The following ZNF423 variants were observed in gnomAD, a reference collection of about 807,000 sequenced individuals.
The protein encoded by ZNF423 is Ebf-associated zinc finger protein.
Under a neutral mutation model 95.8 loss-of-function variants are expected in ZNF423, and 12 were observed. The observed-to-expected ratio is 0.13, with a 90% CI of 0.08 to 0.20. ZNF423 has a LOEUF of 0.20. ZNF423 is among the 10% of genes least tolerant of loss of function. ZNF423 has a pLI of 1.00. For missense variants in ZNF423, 1,316 were observed against 1,737.1 expected (o/e 0.76, Z 4.31); for synonymous variants, 749 against 711.9 (o/e 1.05, Z -0.83).
intron 2 of ZNF423, among the ~76,000 whole-genome samples, chr16:49,741,314 G>A (rs1227539716): frequency 6.6e-6 from 1 of 151,940 alleles, no homozygotes; most frequent in African/African-American, 2.4e-5. Flanking sequence ...GGCCAACATG[G>A]TGAAACCCTG....
At chr16:49,745,066 T>A (rs2033494046) in intron 2 of ZNF423, among the ~76,000 whole-genome samples, 1 of 152,154 alleles carries the variant, frequency 6.6e-6, no homozygotes, top group African/African-American at 2.4e-5. Context: ...TCAGTTTCGG[T>A]CTGGCTCAAA....
chr16:49,672,020 C>T (rs1437729629), intron 3 of ZNF423, among the ~76,000 whole-genome samples: 1 of 152,136 alleles, frequency 6.6e-6, no homozygotes, highest in Non-Finnish European at 1.5e-5. Flanking sequence ...ACTCCCTACC[C>T]CAAACCCAAA....
chr16:49,593,128 C>A (rs1383400518), intron 5 of ZNF423, among the ~76,000 whole-genome samples: 1 of 152,122 alleles, frequency 6.6e-6, no homozygotes, highest in East Asian at 1.9e-4. Flanking sequence ...AGCTCTGACC[C>A]CAAACTCATC....
intron 7 of ZNF423, among the ~76,000 whole-genome samples, chr16:49,508,670 C>T (rs1967757719): frequency 2.0e-5 from 3 of 152,108 alleles, no homozygotes; most frequent in Admixed American, 2.0e-4. Context: ...CGTCCCTTCT[C>T]CCCTATGTGA....
At chr16:49,739,711 T>C (rs1433893464) in intron 2 of ZNF423, among the ~76,000 whole-genome samples, 1 of 150,360 alleles carries the variant, frequency 6.7e-6, no homozygotes, top group Non-Finnish European at 1.5e-5. Flanking sequence ...TTTTTTTTTT[T>C]TTTTGGAGAC....
At chr16:49,676,433 G>C (rs2031051566) in intron 3 of ZNF423, among the ~76,000 whole-genome samples, 1 of 152,192 alleles carries the variant, frequency 6.6e-6, no homozygotes, top group Non-Finnish European at 1.5e-5. Context: ...GAAGGTGCCT[G>C]GAGGTCCACA....
intron 2 of ZNF423, among the ~76,000 whole-genome samples, chr16:49,781,666 G>A (rs1286811673): frequency 6.6e-6 from 1 of 152,172 alleles, no homozygotes; most frequent in African/African-American, 2.4e-5. Flanking sequence ...GCCTCCCCAT[G>A]GTGAAAGGCC....
chr16:49,852,270 G>A (rs976126170), intron 1 of ZNF423, among the ~76,000 whole-genome samples: 1 of 152,160 alleles, frequency 6.6e-6, no homozygotes, highest in East Asian at 1.9e-4. Context: ...GACATAGCCT[G>A]AGCGCTAATT....
intron 5 of ZNF423, among the ~76,000 whole-genome samples, chr16:49,537,935 G>A (rs1412558552): frequency 6.6e-6 from 1 of 152,162 alleles, no homozygotes; most frequent in African/African-American, 2.4e-5. Context: ...TGGGGGGTCT[G>A]CCACCTCTGG....
At chr16:49,560,286 C>T (rs1969973400) in intron 5 of ZNF423, among the ~76,000 whole-genome samples, 1 of 152,172 alleles carries the variant, frequency 6.6e-6, no homozygotes, top group South Asian at 2.1e-4. Context: ...TTCCGTGAAT[C>T]TTTACTGCCT....
chr16:49,714,191 C>T (rs1264598273), intron 3 of ZNF423, among the ~76,000 whole-genome samples: 1 of 152,170 alleles, frequency 6.6e-6, no homozygotes, highest in East Asian at 1.9e-4. Context: ...AGGGCGGGAG[C>T]CAATTGTATT....
chr16:49,600,842 T>A (rs1971346571), intron 5 of ZNF423, among the ~76,000 whole-genome samples: 1 of 151,994 alleles, frequency 6.6e-6, no homozygotes, highest in South Asian at 2.1e-4. Context: ...CCGAAATAAA[T>A]CACCGTCGCT....
chr16:49,838,106 C>A (rs1308819095), intron 1 of ZNF423, among the ~76,000 whole-genome samples: 1 of 152,238 alleles, frequency 6.6e-6, no homozygotes, highest in Non-Finnish European at 1.5e-5. Flanking sequence ...GAATTTTAAG[C>A]GGCAAACCCA....
chr16:49,717,661 A>G (rs2032747106), intron 3 of ZNF423, among the ~76,000 whole-genome samples: 1 of 152,158 alleles, frequency 6.6e-6, no homozygotes, highest in Non-Finnish European at 1.5e-5. Context: ...TTCTATTTAC[A>G]TGAGCCAATA....
intron 3 of ZNF423, among the ~76,000 whole-genome samples, chr16:49,724,412 G>A (rs902131135): frequency 1.8e-5 from 2 of 108,654 alleles, no homozygotes; most frequent in Non-Finnish European, 3.2e-5. Flanking sequence ...CCAAGGCCCC[G>A]AGTGCATTCC....
intron 7 of ZNF423, among the ~76,000 whole-genome samples, chr16:49,517,526 G>A (rs1342211130): frequency 6.6e-6 from 1 of 152,208 alleles, no homozygotes; most frequent in Non-Finnish European, 1.5e-5. Flanking sequence ...AAGGTGTGGG[G>A]TGAGCGTGGG....
intron 7 of ZNF423, among the ~76,000 whole-genome samples, chr16:49,508,404 C>A (rs181785921): frequency 1.3e-5 from 2 of 151,334 alleles, no homozygotes; most frequent in East Asian, 3.9e-4. Context: ...CCTGTAGTCC[C>A]AGCTACTCAG....
chr16:49,739,541 T>C (rs948264010), intron 2 of ZNF423, among the ~76,000 whole-genome samples: 7 of 152,096 alleles, frequency 4.6e-5, no homozygotes, highest in African/African-American at 1.7e-4. Context: ...AGCCACCTCC[T>C]CCGTGAAGGG....
chr16:49,582,286 A>G (rs1970698593), intron 5 of ZNF423, among the ~76,000 whole-genome samples: 1 of 152,116 alleles, frequency 6.6e-6, no homozygotes, highest in Non-Finnish European at 1.5e-5. Flanking sequence ...TATTGCAGAC[A>G]TTGATCAAAC....
Sources: gnomAD v4.1 joint callset for allele counts (sites outside exome capture counted in the v4.1 genomes callset) on GRCh38, gnomAD v4.1.1 for gene constraint, MANE v1.5 for transcripts, NCBI Gene and HGNC (gene_info 2026-07-23, HGNC 2026-07-21) for gene names.